TRIM66: variants seen among roughly 807,000 people sequenced by gnomAD.
TRIM66 encodes the protein tripartite motif containing 66, also known as tripartite motif-containing protein 66.
In TRIM66, 99 loss-of-function variants were observed where a neutral mutation model predicts 148.2. That is an observed-to-expected ratio of 0.67 (90% confidence interval 0.57 to 0.79). The LOEUF is 0.79. Among genes scored for constraint, TRIM66 ranks in the 30% least tolerant of loss-of-function variants. TRIM66 has a pLI of 0.00. For missense variants in TRIM66, 1,666 were observed against 1,697.9 expected, an observed-to-expected ratio of 0.98 and a Z score of 0.33; for synonymous variants, 616 against 635.9, an observed-to-expected ratio of 0.97 and a Z score of 0.47.
intron 17 of TRIM66, among the ~76,000 whole-genome samples, chr11:8,623,679 C>A (rs904714331): frequency 6.6e-6 from 1 of 152,332 alleles, no homozygotes; most frequent in African/African-American, 2.4e-5. Flanking sequence ...TCCCAACTAG[C>A]CCTCACCTTC....
chr11:8,671,995 A>T lies in TRIM66; in HGVS notation c.131T>A (p.Phe44Tyr). ...CTGGCCAGCTAGTGGCAGCCCCATA[A>T]AGCTCATGCCCATGTCCACAGCCAT... Reference protein sequence around the residue: ...TGMAVDMGMSFMGLPLAGQKH... With the variant: ...TGMAVDMGMSYMGLPLAGQKH... Residue 44 changes from phenylalanine (F) to tyrosine (Y), a missense_variant, in exon 6 of 25, where the codon TTT (phenylalanine) becomes TAT (tyrosine). Transcript: ENST00000646038. The T allele has an allele frequency of 1.3e-6, 2 of 1,536,028 alleles. No individual in the cohort carries two copies. The highest frequency in any genetic ancestry group is 2.4e-5 in the South Asian group (2 of 84,048).
At chr11:8,640,182 C>A in intron 14 of TRIM66, 45 bp downstream of exon 14, 1 of 1,521,554 alleles carries the variant, frequency 6.6e-7, no homozygotes, top group Non-Finnish European at 8.9e-7. Context: ...CCTGAGTGAT[C>A]CTACGATGGG....
intron 6 of TRIM66, among the ~76,000 whole-genome samples, chr11:8,667,451 A>T (rs117989651): frequency 6.6e-6 from 1 of 152,216 alleles, no homozygotes; most frequent in East Asian, 1.9e-4. Context: ...TGCAAATCAT[A>T]TATCTAATAA....
chr11:8,627,309 T>A (rs1438809298), intron 15 of TRIM66, among the ~76,000 whole-genome samples: 1 of 152,216 alleles, frequency 6.6e-6, no homozygotes, highest in Non-Finnish European at 1.5e-5. Context: ...TTTAGCCAAA[T>A]GAACAGCAGC....
At chr11:8,677,137 T>C (rs2039213920) in intron 3 of TRIM66, among the ~76,000 whole-genome samples, 1 of 152,154 alleles carries the variant, frequency 6.6e-6, no homozygotes, top group Admixed American at 6.5e-5. Context: ...ATTGTTTGCA[T>C]GAAGGGTACA....
chr11:8,615,149 G>A lies in TRIM66; in HGVS notation c.*2795C>T, dbSNP rs370181500. On this transcript the variant is annotated 3_prime_UTR_variant, in exon 25 of 25. Coordinates refer to ENST00000646038, the MANE Select transcript of TRIM66 (RefSeq NM_001388022.1). ...TCACTATGTTGGCCAGGCTGGTCTC[G>A]AACTGCTGTCCTTAGGTGATCCACC... 58 of 152,262 alleles carry A rather than the reference G, an allele frequency of 3.8e-4. No individual in the cohort carries two copies. Among genetic ancestry groups the A allele is most frequent in the African/African-American group, 1.2e-3 (51 of 41,542 alleles). The allele number at this position is 152,262 out of a possible 1,614,324, so 9.4% of individuals were successfully genotyped here.
chr11:8,617,887 G>C lies in TRIM66; in HGVS notation c.*57C>G. The C allele has an allele frequency of 6.7e-7, 1 of 1,493,468 alleles. No homozygotes were observed. The highest frequency in any genetic ancestry group is 1.2e-5 in the South Asian group (1 of 82,774). 92.5% of individuals were successfully genotyped at this position (1,493,468 alleles called of 1,614,324 possible). A position where few individuals can be genotyped will look rare whatever the true frequency, so the allele number is the denominator to read the frequency against. On this transcript the variant is annotated 3_prime_UTR_variant, in exon 25 of 25. Coordinates refer to ENST00000646038, the MANE Select transcript of TRIM66 (RefSeq NM_001388022.1). ...AAGAGGATAAGCTGCAAGATGGGGAGGAATGGTCGACAGTATGGGACAACA... is the reference window on the plus strand; with the variant it reads ...AAGAGGATAAGCTGCAAGATGGGGACGAATGGTCGACAGTATGGGACAACA...
At chr11:8,651,039 G>A (rs555909611) in intron 7 of TRIM66, among the ~76,000 whole-genome samples, 6 of 152,122 alleles carry the variant, frequency 3.9e-5, no homozygotes, top group Non-Finnish European at 7.3e-5. Flanking sequence ...TATCTTGCCC[G>A]GGCTATTATA....
chr11:8,623,611 G>A (rs1423060120), intron 17 of TRIM66, among the ~76,000 whole-genome samples: 1 of 152,032 alleles, frequency 6.6e-6, no homozygotes, highest in African/African-American at 2.4e-5. Flanking sequence ...AATTAAACAC[G>A]CATCATACAT....
At chr11:8,681,290 C>A (rs901273228) in intron 1 of TRIM66, among the ~76,000 whole-genome samples, 1 of 152,042 alleles carries the variant, frequency 6.6e-6, no homozygotes. Context: ...CCCACCACCA[C>A]GCCCATCTAA....
intron 3 of TRIM66, among the ~76,000 whole-genome samples, chr11:8,675,678 G>A (rs965446377): frequency 3.3e-5 from 5 of 151,946 alleles, no homozygotes; most frequent in South Asian, 2.1e-4. Context: ...CATCGCACCC[G>A]GCCTGCCAGT....
intron 12 of TRIM66, chr11:8,644,481 G>A: frequency 2.2e-6 from 1 of 449,380 alleles, no homozygotes; most frequent in Non-Finnish European, 4.5e-6. Context: ...ACCCCAACTT[G>A]TATCCCTTCT....
chr11:8,628,636 A>AAAAAAGAGAGAG lies in TRIM66; in HGVS notation c.2311-3409_2311-3408insCTCTCTCTTTTT, dbSNP rs1555042270. Among the ~76,000 whole-genome samples the AAAAAAGAGAGAG allele has an allele frequency of 9.5e-3, 881 of 93,168 alleles. 24 individuals are homozygous for AAAAAAGAGAGAG. The highest frequency in any genetic ancestry group is 0.016 in the Non-Finnish European group (674 of 42,858). The allele number at this position is 93,168 out of a possible 152,430, so 61.1% of individuals were successfully genotyped here. A position where few individuals can be genotyped will look rare whatever the true frequency, so the allele number is the denominator to read the frequency against. On this transcript the variant is annotated intron_variant, in intron 15 of 24. Coordinates refer to ENST00000646038, the MANE Select transcript of TRIM66 (RefSeq NM_001388022.1). ...TCAAAAAAAAAAAAAAAAAAAAAAAAAGAGAGAGAATCCAGATCTTTGGTA... is the reference window on the plus strand; with the variant it reads ...TCAAAAAAAAAAAAAAAAAAAAAAAAAAAAAGAGAGAGAGAGAGAGAATCCAGATCTTTGGTA...
intron 6 of TRIM66, 183 bp downstream of exon 6, chr11:8,671,603 G>A: frequency 1.7e-6 from 1 of 580,798 alleles, no homozygotes; most frequent in South Asian, 2.1e-5. Flanking sequence ...TTACAAAACA[G>A]ATATATTAGG....
chr11:8,621,400 G>C, intron 19 of TRIM66, 79 bp from the exon 20 acceptor site: 1 of 1,465,658 alleles, frequency 6.8e-7, no homozygotes, highest in Non-Finnish European at 9.0e-7. Context: ...AGACTGGCAG[G>C]CCCTGCATGC....
At chr11:8,628,568 G>A (rs923682978) in intron 15 of TRIM66, among the ~76,000 whole-genome samples, 14 of 139,924 alleles carry the variant, frequency 1.0e-4, no homozygotes, top group Non-Finnish European at 1.7e-4. Flanking sequence ...AGCCAAGATC[G>A]TGCCACTACA....
In TRIM66 at chr11:8,672,092, C is replaced by G; in HGVS notation, c.34G>C (p.Glu12Gln). The stretch of plus-strand genomic sequence containing the variant: ...AAGCAGCGTGTAGAGCGAGCCAGCT[C>G]CACTCCCTGTAAGTGAAGCACAAAG... ...ARLSFWSQGV[E>Q]LARSTRCFSP... The change falls in exon 6 of 25, where the codon GAG becomes CAG. Residue 12 changes from glutamate (E) to glutamine (Q), a missense_variant. Physicochemically the swap from Glu to Gln is conservative, Grantham distance 29. Coordinates refer to ENST00000646038, the MANE Select transcript of TRIM66 (RefSeq NM_001388022.1). 1.3e-6 allele frequency: 2 copies of G among 1,529,672 alleles called. No homozygotes were observed. Among genetic ancestry groups the G allele is most frequent in the East Asian group, 4.9e-5 (2 of 40,696 alleles). The allele number at this position is 1,529,672 out of a possible 1,614,324, so 94.8% of individuals were successfully genotyped here. A position where few individuals can be genotyped will look rare whatever the true frequency, so the allele number is the denominator to read the frequency against.
rs575090331 is a variant in TRIM66 at position 8,681,703 on chromosome 11, A to G, written c.-548+898T>C. Among the ~76,000 whole-genome samples, 15 of 152,208 alleles carry G rather than the reference A, an allele frequency of 9.9e-5. No homozygotes were observed. The South Asian group carries it at 2.5e-3, about 25-fold the overall frequency. ...GGTAAGTTCATTTATTCACTCAACA[A>G]TCACTAGTTGAGTGTGGATTAAAAA... On this transcript the variant is annotated intron_variant, in intron 1 of 24. Coordinates refer to ENST00000646038, the MANE Select transcript of TRIM66 (RefSeq NM_001388022.1).
At chr11:8,667,310 G>C (rs758367367) in intron 6 of TRIM66, among the ~76,000 whole-genome samples, 1 of 152,176 alleles carries the variant, frequency 6.6e-6, no homozygotes, top group Non-Finnish European at 1.5e-5. Flanking sequence ...TCTTGAATGT[G>C]ACACCAAAAG....
Sources: gnomAD v4.1 joint callset for allele counts (sites outside exome capture counted in the v4.1 genomes callset) on GRCh38, gnomAD v4.1.1 for gene constraint, MANE v1.5 for transcripts, NCBI Gene and HGNC (gene_info 2026-07-23, HGNC 2026-07-21) for gene names.